EML4: variants seen among roughly 807,000 people sequenced by gnomAD.
EML4 encodes the protein echinoderm microtubule-associated protein-like 4.
EML4 carries 72 observed loss-of-function variants against 129.0 expected under a neutral mutation model. That is an observed-to-expected ratio of 0.56 (90% CI 0.46 to 0.68). EML4 has a LOEUF of 0.68. EML4 is among the 30% of genes least tolerant of loss of function. EML4 has a pLI of 0.00. For missense variants in EML4, 1,363 were observed against 1,190.6 expected, an observed-to-expected ratio of 1.14 and a Z score of -2.13; for synonymous variants, 532 against 405.0, an observed-to-expected ratio of 1.31 and a Z score of -3.77.
chr2:42,221,842 G>GCACC (rs1205496526), intron 1 of EML4, among the ~76,000 whole-genome samples: 2 of 151,876 alleles, frequency 1.3e-5, no homozygotes, highest in African/African-American at 4.8e-5. Context: ...GACCTCAGGT[G>GCACC]ATCCACCCAC....
chr2:42,289,461 T>A (rs1408878681), intron 11 of EML4: 1 of 148,776 alleles, frequency 6.7e-6, no homozygotes, highest in East Asian at 2.0e-4. Flanking sequence ...CCAGCCCAGA[T>A]CTCTAACAGG....
At position 42,303,648 on chromosome 2, in the gene EML4, G is replaced by A. The variant is rs146005218; in HGVS notation, c.1899+202G>A. ...CGATTTTAAAGAAGTAAGTTAGGCC[G>A]GGCAAGGTGGCTCACACCTGTAATC... On this transcript the variant is annotated intron_variant, in intron 16 of 22. Coordinates refer to ENST00000318522, the MANE Select transcript of EML4 (RefSeq NM_019063.5). Among the ~76,000 whole-genome samples, 11 of 152,304 alleles carry A rather than the reference G, an allele frequency of 7.2e-5. No homozygotes were observed. In the East Asian group the frequency reaches 9.6e-4, roughly 13 times the overall value.
chr2:42,289,034 T>C (rs1667470934), intron 11 of EML4: 1 of 152,216 alleles, frequency 6.6e-6, no homozygotes, highest in African/African-American at 2.4e-5. Flanking sequence ...CTTAACAGTT[T>C]TGTTTTGAGT....
rs148415631 is a variant in EML4, at chr2:42,304,470, T to G, written c.1900-14T>G. On this transcript the variant is annotated splice_polypyrimidine_tract_variant and intron_variant, in intron 16 of 22. Coordinates refer to ENST00000318522, the MANE Select transcript of EML4 (RefSeq NM_019063.5). The stretch of plus-strand genomic sequence containing the variant: ...TCTCATGTACTCCCCAACAGCTGTC[T>G]GTCTCTTTTCTAGGAACCAGGACAC... 1.7e-4 allele frequency: 267 copies of G among 1,612,880 alleles called. 2 individuals are homozygous for G. The African/African-American group carries it at 2.8e-3, about 17-fold the overall frequency.
intron 1 of EML4, among the ~76,000 whole-genome samples, chr2:42,242,925 G>A (rs1178985037): frequency 1.3e-5 from 2 of 151,808 alleles, no homozygotes; most frequent in African/African-American, 4.8e-5. Flanking sequence ...CTACAAACAC[G>A]TGCCACCATG....
At chr2:42,213,431 A>G (rs1292038363) in intron 1 of EML4, among the ~76,000 whole-genome samples, 2 of 152,240 alleles carry the variant, frequency 1.3e-5, no homozygotes, top group Admixed American at 1.3e-4. Context: ...AGTTTTATGA[A>G]TATATCATAG....
chr2:42,272,992 A>G lies in EML4; in HGVS notation c.668-7858A>G, dbSNP rs564575658. ...CAGAATTTTTATATACAGGTTTTTA[A>G]TGTTCTGCTGAGGCCTCCTGATTGC... On this transcript the variant is annotated intron_variant, in intron 6 of 22. Coordinates refer to ENST00000318522, the MANE Select transcript of EML4 (RefSeq NM_019063.5). Among the ~76,000 whole-genome samples, 53 of 152,298 alleles carry G rather than the reference A, an allele frequency of 3.5e-4. 1 individual carries two copies. Among genetic ancestry groups the G allele is most frequent in the African/African-American group, 1.2e-3 (50 of 41,584 alleles).
At chr2:42,326,577 A>G (rs137906307) in intron 21 of EML4, among the ~76,000 whole-genome samples, 20 of 152,316 alleles carry the variant, frequency 1.3e-4, no homozygotes, top group East Asian at 5.8e-4. Flanking sequence ...ATGCCATACA[A>G]TTCACCTAAA....
At chr2:42,325,595 A>ATTATAT (rs202193473) in intron 20 of EML4, 41 bp downstream of exon 20, 6 of 150,236 alleles carry the variant, frequency 4.0e-5, no homozygotes, top group Non-Finnish European at 7.7e-5. Flanking sequence ...ATATGCTATG[A>ATTATAT]TTATATTTAT....
chr2:42,303,842 A>G (rs910858823), intron 16 of EML4, among the ~76,000 whole-genome samples: 8 of 152,110 alleles, frequency 5.3e-5, no homozygotes, highest in African/African-American at 1.7e-4. Context: ...GGAGAATGGC[A>G]TGAACCCGGG....
At chr2:42,312,614 C>T (rs1050583634) in intron 17 of EML4, among the ~76,000 whole-genome samples, 22 of 149,994 alleles carry the variant, frequency 1.5e-4, no homozygotes, top group Middle Eastern at 7.2e-3. Flanking sequence ...AGTGCAGTGG[C>T]GCAATCTCGG....
At chr2:42,245,762 A>G in intron 2 of EML4, 75 bp downstream of exon 2, 1 of 1,379,558 alleles carries the variant, frequency 7.2e-7, no homozygotes, top group Non-Finnish European at 9.7e-7. Context: ...TGGAAATATA[A>G]AACTAGTTTC....
At chr2:42,189,593 TAAA>T (rs1017695297) in intron 1 of EML4, among the ~76,000 whole-genome samples, 21 of 152,190 alleles carry the variant, frequency 1.4e-4, no homozygotes, top group Non-Finnish European at 5.9e-5. Context: ...TAAATGATAA[TAAA>T]ATTACTTTCA....
intron 1 of EML4, among the ~76,000 whole-genome samples, chr2:42,216,230 C>CTTTTTTTTTTTTTTTTT (rs61417977): frequency 2.3e-5 from 1 of 43,356 alleles, no homozygotes; most frequent in African/African-American, 1.3e-4. Context: ...CGGCCCACTT[C>CTTTTTTTTTTTTTTTTT]TTTTTTTTTT....
intron 19 of EML4, chr2:42,319,667 T>G (rs1306761950): frequency 1.3e-5 from 2 of 152,198 alleles, no homozygotes; most frequent in East Asian, 3.9e-4. Context: ...GTTTGTGACT[T>G]TAGGCAAGTT....
At chr2:42,241,873 T>TGGGGG (rs1033165271) in intron 1 of EML4, among the ~76,000 whole-genome samples, 3 of 131,532 alleles carry the variant, frequency 2.3e-5, no homozygotes, top group African/African-American at 9.9e-5. Flanking sequence ...TGTGTGTGTG[T>TGGGGG]CGGGGGGGGG....
At chr2:42,200,592 G>T (rs981088061) in intron 1 of EML4, among the ~76,000 whole-genome samples, 3 of 152,176 alleles carry the variant, frequency 2.0e-5, no homozygotes, top group Non-Finnish European at 4.4e-5. Flanking sequence ...CCTTTCTCCA[G>T]TTGAAAAGAT....
intron 1 of EML4, among the ~76,000 whole-genome samples, chr2:42,190,107 A>G (rs1038862411): frequency 6.6e-6 from 1 of 152,216 alleles, no homozygotes; most frequent in African/African-American, 2.4e-5. Flanking sequence ...GAAAGCAGAA[A>G]TATTCCTTGA....
At chr2:42,270,427 G>A (rs1239174641) in intron 6 of EML4, among the ~76,000 whole-genome samples, 6 of 152,154 alleles carry the variant, frequency 3.9e-5, no homozygotes, top group Non-Finnish European at 7.3e-5. Context: ...AGGCGTGGTG[G>A]CACACGTGTA....
Sources: allele counts gnomAD v4.1 joint callset (sites outside exome capture counted in the v4.1 genomes callset), GRCh38; gene constraint gnomAD v4.1.1; transcripts MANE v1.5; gene names NCBI Gene and HGNC (gene_info 2026-07-23, HGNC 2026-07-21).